Variants in GRID2 observed in about 807,000 individuals in gnomAD.
GRID2 encodes the protein glutamate receptor ionotropic, delta-2.
A neutral mutation model predicts 114.8 loss-of-function variants in GRID2; 33 were observed. The ratio of observed to expected loss-of-function variants is 0.29; its 90% confidence interval spans 0.22 to 0.38. The LOEUF (loss-of-function observed/expected upper bound fraction) is 0.38. Ranked by LOEUF, GRID2 falls within the 10% of genes least tolerant of loss-of-function variation. GRID2 has a pLI of 1.00. For synonymous variants in GRID2, 505 were observed against 449.9 expected, an observed-to-expected ratio of 1.12 and a Z score of -1.55; for missense variants, 1,184 against 1,257.7, an observed-to-expected ratio of 0.94 and a Z score of 0.89.
At chr4:92,677,535 T>G (rs2149281398) in intron 2 of GRID2, among the ~76,000 whole-genome samples, 1 of 152,260 alleles carries the variant, frequency 6.6e-6, no homozygotes, top group Non-Finnish European at 1.5e-5. Flanking sequence ...AAAGTTTTTC[T>G]AATTCATGCC....
chr4:92,533,797 G>C (rs968439541), intron 1 of GRID2, among the ~76,000 whole-genome samples: 1 of 151,982 alleles, frequency 6.6e-6, no homozygotes, highest in Non-Finnish European at 1.5e-5. Context: ...CTTAACTGAA[G>C]TACTTTGTCC....
chr4:92,888,457 T>G (rs1746524050), intron 2 of GRID2, among the ~76,000 whole-genome samples: 1 of 152,098 alleles, frequency 6.6e-6, no homozygotes, highest in Non-Finnish European at 1.5e-5. Flanking sequence ...CTGCTGACAG[T>G]CACACATGTT....
At chr4:93,765,029 G>A (rs1166170136) in intron 14 of GRID2, among the ~76,000 whole-genome samples, 1 of 151,930 alleles carries the variant, frequency 6.6e-6, no homozygotes, top group Non-Finnish European at 1.5e-5. Context: ...AATTTAAAAG[G>A]GCCAGTGCTT....
intron 2 of GRID2, among the ~76,000 whole-genome samples, chr4:92,844,232 T>A (rs1215605859): frequency 2.0e-5 from 3 of 152,034 alleles, no homozygotes. Context: ...AGTTTTTCTG[T>A]CAGTCATTCT....
At chr4:92,641,719 C>T (rs1731363913) in intron 2 of GRID2, among the ~76,000 whole-genome samples, 1 of 151,592 alleles carries the variant, frequency 6.6e-6, no homozygotes, top group Admixed American at 6.6e-5. Flanking sequence ...AGGTTTTTTA[C>T]ATGGGTATAT....
chr4:92,835,926 G>A (rs903853979), intron 2 of GRID2, among the ~76,000 whole-genome samples: 2 of 152,044 alleles, frequency 1.3e-5, no homozygotes, highest in Non-Finnish European at 2.9e-5. Context: ...TAATTTGATT[G>A]TGGAATACTT....
chr4:92,803,529 A>C (rs145521927), intron 2 of GRID2, among the ~76,000 whole-genome samples: 2 of 152,130 alleles, frequency 1.3e-5, no homozygotes, highest in African/African-American at 4.8e-5. Flanking sequence ...CATTATAAAA[A>C]AATGTATTTC....
chr4:92,889,791 AAG>A (rs1375572770), intron 2 of GRID2, among the ~76,000 whole-genome samples: 1 of 152,224 alleles, frequency 6.6e-6, no homozygotes, highest in African/African-American at 2.4e-5. Flanking sequence ...GGAACCAAAA[AAG>A]AGCCCATATA....
chr4:93,143,869 G>A (rs1161803634), intron 4 of GRID2, among the ~76,000 whole-genome samples: 1 of 152,070 alleles, frequency 6.6e-6, no homozygotes, highest in East Asian at 1.9e-4. Context: ...TTGCATATGA[G>A]CCATGTTCTA....
chr4:92,504,634 A>G (rs1475618206), intron 1 of GRID2, among the ~76,000 whole-genome samples: 1 of 152,072 alleles, frequency 6.6e-6, no homozygotes, highest in Non-Finnish European at 1.5e-5. Flanking sequence ...AGCCTCTTCA[A>G]CTAGAAAAGC....
chr4:92,634,692 G>A (rs1028135682), intron 2 of GRID2, among the ~76,000 whole-genome samples: 4 of 150,054 alleles, frequency 2.7e-5, no homozygotes, highest in Non-Finnish European at 4.4e-5. Flanking sequence ...ATTTTAATAA[G>A]ATGGAAGAAA....
At chr4:93,128,696 G>C (rs1467315313) in intron 4 of GRID2, among the ~76,000 whole-genome samples, 2 of 116,806 alleles carry the variant, frequency 1.7e-5, no homozygotes, top group Admixed American at 1.1e-4. Context: ...ACAGAAAGCG[G>C]CATGAGCCTA....
chr4:92,625,845 C>T (rs896797865), intron 2 of GRID2, among the ~76,000 whole-genome samples: 1 of 151,804 alleles, frequency 6.6e-6, no homozygotes, highest in Non-Finnish European at 1.5e-5. Context: ...TACAAAAAAT[C>T]AGAAATAAAA....
At chr4:92,824,424 C>T (rs879732836) in intron 2 of GRID2, among the ~76,000 whole-genome samples, 2 of 151,924 alleles carry the variant, frequency 1.3e-5, no homozygotes, top group Admixed American at 1.3e-4. Flanking sequence ...CTGTGACACC[C>T]TTTTTTGCTA....
intron 2 of GRID2, among the ~76,000 whole-genome samples, chr4:92,733,890 A>G (rs1430558404): frequency 1.3e-5 from 2 of 151,908 alleles, no homozygotes; most frequent in Non-Finnish European, 2.9e-5. Flanking sequence ...AGATTGTTCT[A>G]CTCCCTCAAA....
At chr4:92,957,191 C>A (rs1752467688) in intron 2 of GRID2, among the ~76,000 whole-genome samples, 1 of 152,100 alleles carries the variant, frequency 6.6e-6, no homozygotes, top group Admixed American at 6.6e-5. Context: ...TTTCATGAAT[C>A]ATGCCTTTGT....
chr4:92,408,782 C>T (rs886702724), intron 1 of GRID2, among the ~76,000 whole-genome samples: 8 of 151,752 alleles, frequency 5.3e-5, no homozygotes, highest in African/African-American at 1.9e-4. Flanking sequence ...TCAGCTAGAA[C>T]GTTATTGGTG....
At chr4:93,486,918 C>A (rs957008427) in intron 11 of GRID2, among the ~76,000 whole-genome samples, 3 of 151,320 alleles carry the variant, frequency 2.0e-5, no homozygotes, top group African/African-American at 7.3e-5. Context: ...TTAATTACTC[C>A]CTCATATATT....
intron 2 of GRID2, among the ~76,000 whole-genome samples, chr4:92,851,929 TA>T (rs1246326806): frequency 1.3e-5 from 2 of 152,030 alleles, no homozygotes; most frequent in Admixed American, 6.6e-5. Context: ...TGAGACCACC[TA>T]AAAAATTGCA....
Sources: allele counts gnomAD v4.1 joint callset (sites outside exome capture counted in the v4.1 genomes callset), GRCh38; gene constraint gnomAD v4.1.1; transcripts MANE v1.5; gene names NCBI Gene and HGNC (gene_info 2026-07-23, HGNC 2026-07-21).